MOB3B: variants seen among roughly 807,000 people sequenced by gnomAD.
MOB3B encodes MOB kinase activator 3B.
MOB3B carries 7 observed loss-of-function variants against 18.7 expected under a neutral mutation model. The ratio of observed to expected loss-of-function variants is 0.37; its 90% confidence interval spans 0.21 to 0.70. The LOEUF (loss-of-function observed/expected upper bound fraction) is 0.70, where lower values mean the gene tolerates loss of function less well. Ranked by LOEUF, MOB3B falls within the 30% of genes least tolerant of loss-of-function variation. MOB3B has a pLI of 0.52. For missense variants in MOB3B, 253 were observed against 281.3 expected (o/e 0.90, Z 0.72); for synonymous variants, 111 against 99.9 (o/e 1.11, Z -0.66).
chr9:27,369,824 T>A (rs1311562344), intron 2 of MOB3B, among the ~76,000 whole-genome samples: 1 of 152,196 alleles, frequency 6.6e-6, no homozygotes, highest in African/African-American at 2.4e-5. Flanking sequence ...AACTAATTTG[T>A]CACTTCCTCT....
chr9:27,401,389 G>T (rs1217039349), intron 2 of MOB3B, among the ~76,000 whole-genome samples: 4 of 152,122 alleles, frequency 2.6e-5, no homozygotes, highest in Non-Finnish European at 5.9e-5. Flanking sequence ...GCTCCTTTTG[G>T]GTGACATACA....
At chr9:27,402,748 C>A (rs1821902483) in intron 2 of MOB3B, among the ~76,000 whole-genome samples, 1 of 152,232 alleles carries the variant, frequency 6.6e-6, no homozygotes, top group African/African-American at 2.4e-5. Context: ...TCAGGGTTCA[C>A]TTGGCCCCGT....
intron 2 of MOB3B, among the ~76,000 whole-genome samples, chr9:27,431,612 C>A (rs1176444413): frequency 6.6e-6 from 1 of 152,214 alleles, no homozygotes; most frequent in African/African-American, 2.4e-5. Flanking sequence ...TGATGACTGA[C>A]AGCCACAGAA....
intron 1 of MOB3B, among the ~76,000 whole-genome samples, chr9:27,486,990 G>T (rs1793518226): frequency 6.6e-6 from 1 of 152,070 alleles, no homozygotes; most frequent in Admixed American, 6.5e-5. Context: ...AATTAGCTGG[G>T]TGTGGTGTCA....
chr9:27,342,807 C>A (rs181861835), intron 3 of MOB3B, among the ~76,000 whole-genome samples: 4 of 151,438 alleles, frequency 2.6e-5, no homozygotes, highest in Non-Finnish European at 5.9e-5. Flanking sequence ...GCCTGATCTC[C>A]GCTCGCTACA....
intron 2 of MOB3B, among the ~76,000 whole-genome samples, chr9:27,451,300 C>G (rs1822778725): frequency 6.6e-6 from 1 of 152,124 alleles, no homozygotes; most frequent in Non-Finnish European, 1.5e-5. Context: ...GCCCTTGCTT[C>G]AGAATTTACT....
chr9:27,426,217 C>T (rs937148561), intron 2 of MOB3B, among the ~76,000 whole-genome samples: 6 of 152,156 alleles, frequency 3.9e-5, no homozygotes, highest in Non-Finnish European at 8.8e-5. Context: ...TACCAGAGCC[C>T]ACACTCTTAA....
chr9:27,445,534 C>A (rs965584146), intron 2 of MOB3B, among the ~76,000 whole-genome samples: 3 of 152,214 alleles, frequency 2.0e-5, no homozygotes, highest in African/African-American at 7.2e-5. Context: ...TCACATTTCT[C>A]TTCAAAAACA....
At chr9:27,453,270 G>T (rs1193503528) in intron 2 of MOB3B, among the ~76,000 whole-genome samples, 1 of 152,188 alleles carries the variant, frequency 6.6e-6, no homozygotes, top group Non-Finnish European at 1.5e-5. Flanking sequence ...CTGTGGTAAA[G>T]AAATCAATTT....
At position 27,328,579 on chromosome 9, in the gene MOB3B, T is replaced by G. The variant is rs904520155; in HGVS notation, c.*2008A>C. 1.3e-5 allele frequency: 2 copies of G among 152,216 alleles called. No homozygotes were observed. Among genetic ancestry groups the G allele is most frequent in the Non-Finnish European group, 2.9e-5 (2 of 68,032 alleles). The allele number at this position is 152,216 out of a possible 1,614,324, so 9.4% of individuals were successfully genotyped here. On this transcript the variant is annotated 3_prime_UTR_variant, in exon 4 of 4. Coordinates refer to ENST00000262244, the MANE Select transcript of MOB3B (RefSeq NM_024761.5). ...AGAATGAATAACAAAGGTCTCCAGA[T>G]TCCAGCCTCCTGCTCGATTATGCAC...
rs1317854252 is a variant in MOB3B at position 27,327,756 on chromosome 9, G to GATT, written c.*2830_*2831insAAT. On this transcript the variant is annotated 3_prime_UTR_variant, in exon 4 of 4. Transcript: ENST00000262244. Reference sequence around the variant, plus strand: ...GGACAACTGGAGAATTTTGAATATGGATCATATATTAGATTTATGCAGTAT... The same window carrying GATT: ...GGACAACTGGAGAATTTTGAATATGGATTATCATATATTAGATTTATGCAGTAT... 1 of 152,156 alleles carries GATT rather than the reference G, an allele frequency of 6.6e-6. No individual in the cohort carries two copies. The highest frequency in any genetic ancestry group is 2.4e-5 in the African/African-American group (1 of 41,428). The allele number at this position is 152,156 out of a possible 1,614,324, so 9.4% of individuals were successfully genotyped here.
In MOB3B at chr9:27,482,755, T is replaced by C. The variant is rs117365275; in HGVS notation, c.-198-27007A>G. The stretch of plus-strand genomic sequence containing the variant: ...TGAGGTTCCTGACAAAATCCCTGTA[T>C]AAGGAATGCACCACATGGCCGTTTT... On this transcript the variant is annotated intron_variant, in intron 1 of 3. Coordinates refer to ENST00000262244, the MANE Select transcript of MOB3B (RefSeq NM_024761.5). Among the ~76,000 whole-genome samples, 876 of 152,286 alleles carry C rather than the reference T, an allele frequency of 5.8e-3. 6 individuals are homozygous for C. The highest frequency in any genetic ancestry group is 7.5e-3 in the South Asian group (36 of 4,824).
At chr9:27,419,060 C>A (rs1440112938) in intron 2 of MOB3B, among the ~76,000 whole-genome samples, 152 of 123,718 alleles carry the variant, frequency 1.2e-3, no homozygotes, top group African/African-American at 1.2e-3. Flanking sequence ...ACGATAGCTG[C>A]AAAAAAAAAA....
chr9:27,455,386 G>A lies in MOB3B; in HGVS notation c.165C>T (p.Asp55=). 2.5e-6 allele frequency: 4 copies of A among 1,614,170 alleles called. No individual in the cohort carries two copies. Among genetic ancestry groups the A allele is most frequent in the Non-Finnish European group, 3.4e-6 (4 of 1,180,034 alleles). ...KAAVQLPSGE[D]QNDWVAVHVV... is the part of the protein sequence containing the mutation. Reference sequence around the variant, plus strand: ...CATGTACTGCCACCCAGTCATTCTGGTCCTCCCCACTGGGCAACTGCACAG... The same window carrying A: ...CATGTACTGCCACCCAGTCATTCTGATCCTCCCCACTGGGCAACTGCACAG... Residue 55 remains aspartate, a synonymous_variant, in exon 2 of 4, where the codon GAC becomes GAT. Transcript: ENST00000262244.
chr9:27,342,464 C>T (rs1220337403), intron 3 of MOB3B, among the ~76,000 whole-genome samples: 4 of 151,288 alleles, frequency 2.6e-5, no homozygotes, highest in Middle Eastern at 3.4e-3. Context: ...CCCTTTCCCT[C>T]GTCTCCCTCT....
chr9:27,511,807 C>T (rs1018244746), intron 1 of MOB3B, among the ~76,000 whole-genome samples: 1 of 152,132 alleles, frequency 6.6e-6, no homozygotes, highest in African/African-American at 2.4e-5. Context: ...AGCCCAACCC[C>T]CTGATCTAAC....
chr9:27,503,268 A>G (rs1291565292), intron 1 of MOB3B, among the ~76,000 whole-genome samples: 1 of 152,226 alleles, frequency 6.6e-6, no homozygotes, highest in African/African-American at 2.4e-5. Flanking sequence ...CACTAGAGGA[A>G]AAATTGACCA....
intron 1 of MOB3B, among the ~76,000 whole-genome samples, chr9:27,472,645 C>T (rs2131468417): frequency 7.0e-6 from 1 of 142,486 alleles, no homozygotes; most frequent in African/African-American, 2.6e-5. Context: ...GGTAAAAGCT[C>T]CCACTCTATT....
chr9:27,360,638 G>A (rs1041685178), intron 2 of MOB3B, among the ~76,000 whole-genome samples: 5 of 152,220 alleles, frequency 3.3e-5, no homozygotes, highest in African/African-American at 4.8e-5. Context: ...AGGAAGCCTG[G>A]AGTTTTGCTG....
Sources: gnomAD v4.1 joint callset for allele counts (sites outside exome capture counted in the v4.1 genomes callset) on GRCh38, gnomAD v4.1.1 for gene constraint, MANE v1.5 for transcripts, NCBI Gene and HGNC (gene_info 2026-07-23, HGNC 2026-07-21) for gene names.